IL6ST: variants seen among roughly 807,000 people sequenced by gnomAD.
IL6ST encodes the protein interleukin 6 cytokine family signal transducer.
Under a neutral mutation model 91.3 loss-of-function variants are expected in IL6ST, and 24 were observed. The ratio of observed to expected loss-of-function variants is 0.26; its 90% CI spans 0.19 to 0.37. IL6ST has a LOEUF of 0.37. Among genes scored for constraint, IL6ST ranks in the 10% least tolerant of loss-of-function variants. IL6ST has a pLI of 1.00. For synonymous variants in IL6ST, 351 were observed against 373.6 expected (o/e 0.94, Z 0.70); for missense variants, 914 against 1,078.5 (o/e 0.85, Z 2.14).
At chr5:55,951,801 A>C (rs1419980379) in intron 13 of IL6ST, 128 bp downstream of exon 13, 2 of 761,006 alleles carry the variant, frequency 2.6e-6, no homozygotes, top group Non-Finnish European at 4.1e-6. Flanking sequence ...AGTAACCATA[A>C]GGCAAATTCT....
chr5:55,950,595 A>G lies in IL6ST; in HGVS notation c.1840+869T>C, dbSNP rs1246027361. 2.0e-5 allele frequency among the ~76,000 whole-genome samples: 3 copies of G among 151,594 alleles called. No individual in the cohort carries two copies. In the East Asian group the frequency reaches 5.8e-4, roughly 29 times the overall value. On this transcript the variant is annotated intron_variant, in intron 14 of 16. Transcript: ENST00000381298. The stretch of plus-strand genomic sequence containing the variant: ...GGAGAAGAAGAAGAAAACACCAAAG[A>G]ACAAGGAGACTCAGGAGACTGTGCT...
intron 1 of IL6ST, among the ~76,000 whole-genome samples, chr5:55,984,731 A>G (rs1400341007): frequency 6.6e-6 from 1 of 152,216 alleles, no homozygotes; most frequent in African/African-American, 2.4e-5. Context: ...TTTGGATTTC[A>G]GATTTTAGGA....
At chr5:55,965,771 C>T (rs867673226) in intron 5 of IL6ST, among the ~76,000 whole-genome samples, 7 of 148,296 alleles carry the variant, frequency 4.7e-5, no homozygotes, top group Non-Finnish European at 8.9e-5. Context: ...GCCGAGATCA[C>T]GCCACTTCAC....
chr5:55,947,027 A>AC (rs1273676960), intron 15 of IL6ST, among the ~76,000 whole-genome samples: 2 of 152,142 alleles, frequency 1.3e-5, no homozygotes, highest in African/African-American at 4.8e-5. Context: ...ACATGGTGAT[A>AC]CCCCATCTCT....
chr5:55,953,040 G>A (rs540026019), intron 11 of IL6ST, among the ~76,000 whole-genome samples: 40 of 152,110 alleles, frequency 2.6e-4, no homozygotes, highest in African/African-American at 9.6e-4. Context: ...CAGCCTGGGC[G>A]ACAGAGTGAG....
chr5:55,936,391 C>T lies in IL6ST; in HGVS notation c.*4691G>A, dbSNP rs548908323. ...ATGTCCACTAGGAGGGAGGATGCTA[C>T]GATTTCAGACCTCAGCTATTAAATA... is the stretch of plus-strand genomic sequence containing the variant. On this transcript the variant is annotated 3_prime_UTR_variant, in exon 17 of 17. Transcript: ENST00000381298. 3.5e-5 allele frequency: 7 copies of T among 201,066 alleles called. No individual in the cohort carries two copies. The South Asian group carries it at 5.9e-4, about 17-fold the overall frequency. 12.5% of individuals were successfully genotyped at this position (201,066 alleles called of 1,614,324 possible).
chr5:55,992,911 AATT>A (rs1164119088), intron 1 of IL6ST, among the ~76,000 whole-genome samples: 2 of 152,198 alleles, frequency 1.3e-5, no homozygotes, highest in Non-Finnish European at 2.9e-5. Context: ...TTGTCAATCC[AATT>A]ATTATAAACT....
At chr5:55,956,595 T>C (rs1033727397) in intron 9 of IL6ST, among the ~76,000 whole-genome samples, 1 of 152,182 alleles carries the variant, frequency 6.6e-6, no homozygotes, top group East Asian at 1.9e-4. Flanking sequence ...ATTTTGATTA[T>C]CACAAACTTT....
rs1023760730 is a variant in IL6ST, at chr5:55,938,855, T to G, written c.*2227A>C. The G allele has an allele frequency of 6.4e-5, 13 of 202,188 alleles. No individual in the cohort carries two copies. The highest frequency in any genetic ancestry group is 2.5e-4 in the African/African-American group (11 of 43,556). The allele number at this position is 202,188 out of a possible 1,614,324, so 12.5% of individuals were successfully genotyped here. A position where few individuals can be genotyped will look rare whatever the true frequency, so the allele number is the denominator to read the frequency against. ...TGAATTTTTGCACAGTAATCATATA[T>G]CCATTTAATATGTATAAAGTGTTCT... On this transcript the variant is annotated 3_prime_UTR_variant, in exon 17 of 17. Coordinates refer to ENST00000381298, the MANE Select transcript of IL6ST (RefSeq NM_002184.4).
intron 8 of IL6ST, among the ~76,000 whole-genome samples, chr5:55,958,321 T>TA: frequency 6.6e-6 from 1 of 152,324 alleles, no homozygotes; most frequent in South Asian, 2.1e-4. Context: ...CCTGTAGTAT[T>TA]AATTTTTCAA....
intron 3 of IL6ST, among the ~76,000 whole-genome samples, chr5:55,974,797 T>C (rs1753177741): frequency 6.6e-6 from 1 of 152,088 alleles, no homozygotes; most frequent in South Asian, 2.1e-4. Context: ...CTATATTAAC[T>C]TCTTTAATCC....
intron 1 of IL6ST, among the ~76,000 whole-genome samples, chr5:55,989,998 CA>C (rs1181030374): frequency 6.6e-6 from 1 of 151,754 alleles, no homozygotes; most frequent in South Asian, 2.1e-4. Flanking sequence ...AACATCCAAA[CA>C]AAAAAAGACT....
intron 3 of IL6ST, among the ~76,000 whole-genome samples, chr5:55,972,294 C>CCT (rs927172538): frequency 2.0e-5 from 3 of 152,100 alleles, no homozygotes; most frequent in East Asian, 1.9e-4. Context: ...GGGTGGATCA[C>CCT]GAGGTCAGGA....
rs746858313 is a variant in IL6ST, at chr5:55,960,472, A to G, written c.903T>C (p.Cys301=). 5.9e-5 allele frequency: 95 copies of G among 1,613,856 alleles called. No individual in the cohort carries two copies. Among genetic ancestry groups the G allele is most frequent in the Non-Finnish European group, 7.2e-5 (85 of 1,179,900 alleles). The change falls in exon 8 of 17, where the codon TGT becomes TGC. Residue 301 remains cysteine (C), a synonymous_variant. Coordinates refer to ENST00000381298, the MANE Select transcript of IL6ST (RefSeq NM_002184.4). ...AGTATCCCTTACCATCTTCCTTCAT[A>G]CAGCGAATCCTAAACACATATTCTG... ...PFTEYVFRIR[C]MKEDGKGYWS... is the part of the protein sequence containing the mutation.
intron 5 of IL6ST, among the ~76,000 whole-genome samples, chr5:55,967,438 C>T (rs1298673985): frequency 6.9e-6 from 1 of 145,548 alleles, no homozygotes; most frequent in Non-Finnish European, 1.5e-5. Context: ...ATTTAAGAGA[C>T]AAGACATAAA....
At chr5:55,978,170 A>C (rs1172068320) in intron 2 of IL6ST, 1 of 152,214 alleles carries the variant, frequency 6.6e-6, no homozygotes, top group South Asian at 2.1e-4. Context: ...TGTATTACTC[A>C]TAACAGTAGT....
chr5:55,941,550 T>C lies in IL6ST; in HGVS notation c.2289A>G (p.Val763=). The C allele has an allele frequency of 6.2e-7, 1 of 1,614,180 alleles. No individual in the cohort carries two copies. The highest frequency in any genetic ancestry group is 8.5e-7 in the Non-Finnish European group (1 of 1,180,000). Residue 763 remains valine, a synonymous_variant, in exon 17 of 17, where the codon GTA becomes GTG. Coordinates refer to ENST00000381298, the MANE Select transcript of IL6ST (RefSeq NM_002184.4). ...TSSTVQYSTV[V]HSGYRHQVPS... ...GAACTTGGTGTCTGTAGCCACTGTG[T>C]ACCACGGTAGAATACTGGACAGTGC...
intron 3 of IL6ST, among the ~76,000 whole-genome samples, chr5:55,974,630 G>A (rs557154180): frequency 2.4e-4 from 37 of 151,958 alleles, no homozygotes; most frequent in African/African-American, 7.7e-4. Flanking sequence ...GATTACAGGC[G>A]TGCGGCACTA....
At chr5:55,960,085 C>T (rs1021253963) in intron 8 of IL6ST, among the ~76,000 whole-genome samples, 1 of 152,084 alleles carries the variant, frequency 6.6e-6, no homozygotes, top group African/African-American at 2.4e-5. Flanking sequence ...GGGGTTTCAC[C>T]ATATTGGCCA....
Sources: gnomAD v4.1 joint callset for allele counts (sites outside exome capture counted in the v4.1 genomes callset) on GRCh38, gnomAD v4.1.1 for gene constraint, MANE v1.5 for transcripts, NCBI Gene and HGNC (gene_info 2026-07-23, HGNC 2026-07-21) for gene names.